Variants in ADD3 observed in about 807,000 individuals in gnomAD.
ADD3 encodes gamma-adducin.
In ADD3, 25 loss-of-function variants were observed where a neutral mutation model predicts 80.2. That is an observed-to-expected ratio of 0.31 (90% CI 0.23 to 0.44). The LOEUF is 0.44. ADD3 is among the 20% of genes least tolerant of loss of function. ADD3 has a pLI of 1.00. For synonymous variants in ADD3, 284 were observed against 289.6 expected (o/e 0.98, Z 0.20); for missense variants, 829 against 847.5 (o/e 0.98, Z 0.27).
intron 12 of ADD3, among the ~76,000 whole-genome samples, chr10:110,129,712 A>T (rs1329505749): frequency 6.6e-6 from 1 of 152,138 alleles, no homozygotes; most frequent in African/African-American, 2.4e-5. Flanking sequence ...CAACTTTCTC[A>T]GCTCTGCTAC....
chr10:110,024,314 C>A (rs1024721325), intron 1 of ADD3, among the ~76,000 whole-genome samples: 4 of 152,132 alleles, frequency 2.6e-5, no homozygotes, highest in African/African-American at 9.7e-5. Flanking sequence ...GGTGGTTTAT[C>A]TTGAAACTTC....
chr10:110,050,273 C>G (rs1020965546), intron 1 of ADD3, among the ~76,000 whole-genome samples: 2 of 152,044 alleles, frequency 1.3e-5, no homozygotes, highest in Non-Finnish European at 2.9e-5. Context: ...TCCCATAATT[C>G]CCATGTGCCG....
intron 5 of ADD3, among the ~76,000 whole-genome samples, chr10:110,117,874 G>T (rs1850953922): frequency 6.6e-6 from 1 of 152,012 alleles, no homozygotes; most frequent in Non-Finnish European, 1.5e-5. Context: ...AAATTAGCTG[G>T]GCGTGGTGGC....
intron 3 of ADD3, among the ~76,000 whole-genome samples, chr10:110,115,080 TAAAAAA>T (rs752916695): frequency 1.2e-5 from 1 of 84,916 alleles, no homozygotes; most frequent in Non-Finnish European, 2.5e-5. Flanking sequence ...CCCCTGCCTC[TAAAAAA>T]AAAAAAAAAA....
chr10:110,131,457 G>T (rs1285504932), intron 13 of ADD3, among the ~76,000 whole-genome samples: 1 of 152,186 alleles, frequency 6.6e-6, no homozygotes, highest in Admixed American at 6.5e-5. Flanking sequence ...CAAAAAGAGG[G>T]TAAGGAGCCT....
intron 1 of ADD3, among the ~76,000 whole-genome samples, chr10:110,037,922 C>T (rs116349413): frequency 6.6e-6 from 1 of 151,334 alleles, no homozygotes; most frequent in Admixed American, 6.6e-5. Flanking sequence ...AGAAAATTAG[C>T]TGGGTGTGTG....
chr10:110,088,184 A>G (rs1847040642), intron 1 of ADD3, among the ~76,000 whole-genome samples: 1 of 152,200 alleles, frequency 6.6e-6, no homozygotes, highest in African/African-American at 2.4e-5. Context: ...CTATTTTCAA[A>G]TAGGCCACAC....
Position 110,112,934 on chromosome 10 carries a change from G to T in ADD3, c.334+19G>T. The T allele has an allele frequency of 1.2e-6, 2 of 1,607,026 alleles. No homozygotes were observed. Among genetic ancestry groups the T allele is most frequent in the Admixed American group, 1.7e-5 (1 of 58,186 alleles). On this transcript the variant is annotated intron_variant, in intron 3 of 14. Transcript: ENST00000356080. ...CCTCTCAGTATGTCAGTTTTGGAGA[G>T]TTTTAAACATTATAATTTTACTTCC... is the stretch of plus-strand genomic sequence containing the variant.
chr10:110,104,119 G>T (rs1179836306), intron 2 of ADD3, among the ~76,000 whole-genome samples: 1 of 152,104 alleles, frequency 6.6e-6, no homozygotes, highest in Non-Finnish European at 1.5e-5. Flanking sequence ...CATGTTATCT[G>T]CTCCCCAGTG....
chr10:110,031,445 C>G (rs533825854), intron 1 of ADD3, among the ~76,000 whole-genome samples: 3 of 152,284 alleles, frequency 2.0e-5, no homozygotes, highest in South Asian at 2.1e-4. Context: ...TGACTTTGCT[C>G]TGGGTAAGTG....
chr10:110,112,270 A>G, intron 2 of ADD3: 2 of 152,668 alleles, frequency 1.3e-5, no homozygotes, highest in Non-Finnish European at 2.9e-5. Context: ...ACAGGCATGC[A>G]CCACCACGCT....
intron 1 of ADD3, among the ~76,000 whole-genome samples, chr10:110,042,574 G>A (rs1300017559): frequency 6.6e-6 from 1 of 151,858 alleles, no homozygotes; most frequent in Non-Finnish European, 1.5e-5. Flanking sequence ...TCTTTAATCA[G>A]GAAATAGTCT....
chr10:110,122,135 G>A lies in ADD3; in HGVS notation c.986G>A (p.Gly329Glu), dbSNP rs1423745844. The part of the protein sequence containing the change: ...IQVQALAGAG[G>E]VDNLHVLDFQ... Reference sequence around the variant, plus strand: ...GTGCAGGCCCTAGCAGGTGCAGGTGGAGTAGACAATCTCCATGTACTGGAC... The same window carrying A: ...GTGCAGGCCCTAGCAGGTGCAGGTGAAGTAGACAATCTCCATGTACTGGAC... The change falls in exon 9 of 15, where the codon GGA becomes GAA. Residue 329 changes from glycine to glutamate, a missense_variant. Transcript: ENST00000356080. The A allele has an allele frequency of 6.2e-7, 1 of 1,613,728 alleles. No homozygotes were observed. Among genetic ancestry groups the A allele is most frequent in the African/African-American group, 1.3e-5 (1 of 74,910 alleles).
chr10:110,100,746 T>C lies in ADD3; in HGVS notation c.93T>C (p.Asn31=), dbSNP rs1446516970. Residue 31 remains asparagine, a synonymous_variant, in exon 2 of 15, where the codon AAT becomes AAC. Coordinates refer to ENST00000356080, the MANE Select transcript of ADD3 (RefSeq NM_016824.5). ...KERYFDRINE[N]DPEYIRERNM... ...GATATTTTGACCGCATCAATGAAAATGACCCAGAATACATTAGGGAGAGGA... is the reference window on the plus strand; with the variant it reads ...GATATTTTGACCGCATCAATGAAAACGACCCAGAATACATTAGGGAGAGGA... The C allele has an allele frequency of 6.2e-7, 1 of 1,613,892 alleles. No individual in the cohort carries two copies. The highest frequency in any genetic ancestry group is 8.5e-7 in the Non-Finnish European group (1 of 1,179,928).
chr10:110,012,089 T>G (rs1294701052), intron 1 of ADD3, among the ~76,000 whole-genome samples: 3 of 152,244 alleles, frequency 2.0e-5, no homozygotes, highest in Admixed American at 6.5e-5. Flanking sequence ...TGTGTGTGTC[T>G]ATGTATACGT....
intron 8 of ADD3, among the ~76,000 whole-genome samples, chr10:110,120,652 G>A (rs956262723): frequency 1.3e-5 from 2 of 152,080 alleles, no homozygotes; most frequent in African/African-American, 4.8e-5. Context: ...TCGCCACACT[G>A]ACTTCCACAA....
intron 1 of ADD3, among the ~76,000 whole-genome samples, chr10:110,070,229 A>G (rs886496752): frequency 3.9e-5 from 6 of 152,226 alleles, no homozygotes; most frequent in East Asian, 1.9e-4. Context: ...GTGTGCTACA[A>G]TTGTCTCTCC....
intron 1 of ADD3, among the ~76,000 whole-genome samples, chr10:110,079,457 A>AGTGT (rs1467567910): frequency 2.7e-4 from 33 of 121,176 alleles, no homozygotes; most frequent in African/African-American, 9.5e-4. Flanking sequence ...AGAGAGAGAG[A>AGTGT]GAGAGTGTGT....
chr10:110,008,146 CCCT>C lies in ADD3; in HGVS notation c.-178_-176del, dbSNP rs1223366104. 1 of 152,304 alleles carries C rather than the reference CCCT, an allele frequency of 6.6e-6. No homozygotes were observed. The highest frequency in any genetic ancestry group is 1.5e-5 in the Non-Finnish European group (1 of 68,118). The allele number at this position is 152,304 out of a possible 1,614,324, so 9.4% of individuals were successfully genotyped here. On this transcript the variant is annotated 5_prime_UTR_variant, in exon 1 of 15. Transcript: ENST00000356080. ...CACAGGGCTCGGCGTACAGGTCCCT[CCCT>C]CCTCAAGCCCCCTCCCCTTCTCCCG... is the stretch of plus-strand genomic sequence containing the variant.
Sources: allele counts gnomAD v4.1 joint callset (sites outside exome capture counted in the v4.1 genomes callset), GRCh38; gene constraint gnomAD v4.1.1; transcripts MANE v1.5; gene names NCBI Gene and HGNC (gene_info 2026-07-23, HGNC 2026-07-21).